The following MSH3 variants were observed in gnomAD, a reference collection of about 807,000 sequenced individuals.
MSH3 encodes the protein mutS homolog 3, also known as DNA mismatch repair protein Msh3.
MSH3 carries 106 observed loss-of-function variants against 123.3 expected under a neutral mutation model. The ratio of observed to expected loss-of-function variants is 0.86; its 90% CI spans 0.73 to 1.01. MSH3 has a LOEUF of 1.01. Ranked by LOEUF, MSH3 falls within the 50% of genes least tolerant of loss-of-function variation. The pLI is 0.00. For synonymous variants in MSH3, 515 were observed against 481.4 expected (o/e 1.07, Z -0.91); for missense variants, 1,459 against 1,347.6 (o/e 1.08, Z -1.29).
intron 2 of MSH3, 133 bp downstream of exon 2, chr5:80,656,664 A>T: frequency 8.3e-7 from 1 of 1,204,208 alleles, no homozygotes; most frequent in East Asian, 2.5e-5. Context: ...TCCTGAGCAG[A>T]GTGGCCCCCT....
intron 12 of MSH3, among the ~76,000 whole-genome samples, chr5:80,747,313 T>C (rs1236627240): frequency 6.6e-6 from 1 of 152,134 alleles, no homozygotes; most frequent in African/African-American, 2.4e-5. Context: ...TAATTTGAGA[T>C]AAATCTAGTA....
At chr5:80,675,851 A>G (rs888539781) in intron 7 of MSH3, among the ~76,000 whole-genome samples, 5 of 152,216 alleles carry the variant, frequency 3.3e-5, no homozygotes, top group Admixed American at 1.3e-4. Flanking sequence ...AAAGTGTTCT[A>G]TAAATTTCCT....
chr5:80,865,779 A>G (rs1746088356), intron 22 of MSH3, among the ~76,000 whole-genome samples: 1 of 152,154 alleles, frequency 6.6e-6, no homozygotes, highest in African/African-American at 2.4e-5. Flanking sequence ...CAGAGTCCAG[A>G]TTTTATTTTG....
At chr5:80,666,540 T>C (rs1195520801) in intron 3 of MSH3, among the ~76,000 whole-genome samples, 1 of 152,238 alleles carries the variant, frequency 6.6e-6, no homozygotes, top group Non-Finnish European at 1.5e-5. Context: ...ATAGTGGTTA[T>C]TAAGCATAGA....
chr5:80,743,258 G>A (rs537100056), intron 11 of MSH3, among the ~76,000 whole-genome samples: 3 of 152,140 alleles, frequency 2.0e-5, no homozygotes, highest in African/African-American at 7.2e-5. Context: ...GGTCTCAGGA[G>A]CAGTGCTGCT....
Position 80,875,959 on chromosome 5 carries a change from A to G in MSH3, c.*97A>G, listed in dbSNP as rs1463930280. 3 of 771,684 alleles carry G rather than the reference A, an allele frequency of 3.9e-6. No homozygotes were observed. Among genetic ancestry groups the G allele is most frequent in the Non-Finnish European group, 6.8e-6 (3 of 440,294 alleles). The allele number at this position is 771,684 out of a possible 1,614,324, so 47.8% of individuals were successfully genotyped here. A position where few individuals can be genotyped will look rare whatever the true frequency, so the allele number is the denominator to read the frequency against. On this transcript the variant is annotated 3_prime_UTR_variant, in exon 24 of 24. Coordinates refer to ENST00000265081, the MANE Select transcript of MSH3 (RefSeq NM_002439.5). ...ACAGCCTATCTTTGTGTGACATGTG[A>G]GCATAAAATTATGACCATGGTATAT... is the stretch of plus-strand genomic sequence containing the variant.
chr5:80,752,018 A>G (rs1282587716), intron 12 of MSH3, among the ~76,000 whole-genome samples: 1 of 152,106 alleles, frequency 6.6e-6, no homozygotes, highest in Admixed American at 6.6e-5. Context: ...TTGTGTTTGT[A>G]GTACAGTTCT....
At chr5:80,832,075 A>C (rs1745429338) in intron 20 of MSH3, among the ~76,000 whole-genome samples, 2 of 152,020 alleles carry the variant, frequency 1.3e-5, no homozygotes, top group African/African-American at 2.4e-5. Flanking sequence ...GCGCCACTGC[A>C]CTCCAGCCTG....
At chr5:80,860,974 A>T (rs1401204575) in intron 21 of MSH3, among the ~76,000 whole-genome samples, 1 of 151,824 alleles carries the variant, frequency 6.6e-6, no homozygotes, top group African/African-American at 2.4e-5. Context: ...CACATTCTTC[A>T]TTTCCATCAC....
intron 19 of MSH3, among the ~76,000 whole-genome samples, chr5:80,793,688 G>T (rs1230215584): frequency 6.6e-6 from 1 of 152,210 alleles, no homozygotes; most frequent in East Asian, 1.9e-4. Context: ...GATGAGTAAG[G>T]TTGGAGTGCA....
At chr5:80,661,662 A>G (rs1039629134) in intron 2 of MSH3, among the ~76,000 whole-genome samples, 7 of 152,190 alleles carry the variant, frequency 4.6e-5, no homozygotes, top group Admixed American at 4.6e-4. Flanking sequence ...TAATTGCATC[A>G]TATCTGTCAT....
chr5:80,672,532 ATT>A (rs990602337), intron 5 of MSH3, among the ~76,000 whole-genome samples, 172 bp downstream of exon 5: 1 of 152,192 alleles, frequency 6.6e-6, no homozygotes, highest in African/African-American at 2.4e-5. Context: ...TTTTTAACAT[ATT>A]GTTAGATATT....
At chr5:80,840,430 CT>C (rs201862193) in intron 20 of MSH3, among the ~76,000 whole-genome samples, 15 of 149,334 alleles carry the variant, frequency 1.0e-4, no homozygotes, top group South Asian at 2.1e-4. Flanking sequence ...CTTGAATATT[CT>C]TTTTTTTTTC....
chr5:80,819,446 A>ATGTGTG (rs35865568), intron 20 of MSH3, among the ~76,000 whole-genome samples: 1,793 of 136,726 alleles, frequency 0.013, 23 homozygotes, highest in South Asian at 0.02. Context: ...ATATATGTAT[A>ATGTGTG]TGTGTGTGTG....
chr5:80,854,151 A>G lies in MSH3; in HGVS notation c.2835A>G (p.Ile945Met), dbSNP rs750951036. Residue 945 changes from isoleucine to methionine, a missense_variant, in exon 21 of 24, where the codon ATA becomes ATG. Physicochemically the swap from Ile to Met is conservative, Grantham distance 10. Transcript: ENST00000265081. The stretch of plus-strand genomic sequence containing the variant: ...GTAGGATGGGTGCTGCAGACAATAT[A>G]TATAAAGGACAGAGTACATTTATGG... ...IFTRMGAADN[I>M]YKGQSTFMEE... 1.8e-5 allele frequency: 29 copies of G among 1,613,550 alleles called. No homozygotes were observed. In the Middle Eastern group the frequency reaches 4.9e-4, roughly 27 times the overall value.
chr5:80,665,655 G>A (rs1198595365), intron 3 of MSH3, among the ~76,000 whole-genome samples: 1 of 152,184 alleles, frequency 6.6e-6, no homozygotes, highest in Non-Finnish European at 1.5e-5. Context: ...TCTTTATTGA[G>A]AATTAATACA....
chr5:80,876,302 T>TTTA lies in MSH3; in HGVS notation c.*442_*444dup. 4.7e-6 allele frequency: 1 copy of TTTA among 210,836 alleles called. No homozygotes were observed. Among genetic ancestry groups the TTTA allele is most frequent in the Non-Finnish European group, 9.6e-6 (1 of 104,356 alleles). 13.1% of individuals were successfully genotyped at this position (210,836 alleles called of 1,614,324 possible). On this transcript the variant is annotated 3_prime_UTR_variant, in exon 24 of 24. Coordinates refer to ENST00000265081, the MANE Select transcript of MSH3 (RefSeq NM_002439.5). ...TTATCCACCAAGAACATAAGAATTTTTTATAAGTAGAAAGAATTGGCCAGG... is the reference window on the plus strand; with the variant it reads ...TTATCCACCAAGAACATAAGAATTTTTTATTATAAGTAGAAAGAATTGGCCAGG...
intron 10 of MSH3, among the ~76,000 whole-genome samples, chr5:80,735,373 CT>C (rs1190618285): frequency 2.1e-5 from 2 of 95,898 alleles, no homozygotes; most frequent in Admixed American, 1.5e-4. Context: ...GACAGTGAGA[CT>C]TCATCTCAAA....
chr5:80,790,611 G>A (rs1401507053), intron 18 of MSH3, among the ~76,000 whole-genome samples: 1 of 152,102 alleles, frequency 6.6e-6, no homozygotes, highest in African/African-American at 2.4e-5. Flanking sequence ...GAAGTGAGGG[G>A]AGAAATCACT....
Sources: gnomAD v4.1 joint callset for allele counts (sites outside exome capture counted in the v4.1 genomes callset) on GRCh38, gnomAD v4.1.1 for gene constraint, MANE v1.5 for transcripts, NCBI Gene and HGNC (gene_info 2026-07-23, HGNC 2026-07-21) for gene names.